The following SDK1 variants were observed in gnomAD, a reference collection of about 807,000 sequenced individuals.
SDK1 encodes sidekick cell adhesion molecule 1.
SDK1 carries 157 observed loss-of-function variants against 245.5 expected under a neutral mutation model. The observed-to-expected ratio is 0.64, with a 90% CI of 0.56 to 0.73. The LOEUF (loss-of-function observed/expected upper bound fraction) is 0.73. SDK1 is among the 30% of genes least tolerant of loss of function. The pLI, the probability that SDK1 is intolerant of heterozygous loss-of-function variation, is 0.00. For synonymous variants in SDK1, 1,647 were observed against 1,278.5 expected, an observed-to-expected ratio of 1.29 and a Z score of -6.15; for missense variants, 3,583 against 3,002.3, an observed-to-expected ratio of 1.19 and a Z score of -4.52.
At chr7:3,478,181 A>C (rs185606299) in intron 1 of SDK1, among the ~76,000 whole-genome samples, 2 of 152,260 alleles carry the variant, frequency 1.3e-5, no homozygotes, top group Admixed American at 1.3e-4. Flanking sequence ...TATTTTCCTG[A>C]AGTTTCATGG....
At chr7:3,937,149 C>G (rs949728225) in intron 5 of SDK1, among the ~76,000 whole-genome samples, 15 of 152,084 alleles carry the variant, frequency 9.9e-5, no homozygotes, top group African/African-American at 3.1e-4. Context: ...CTTCTCAGCT[C>G]TCTTACATTT....
At chr7:3,349,684 C>G (rs1295730976) in intron 1 of SDK1, among the ~76,000 whole-genome samples, 1 of 152,082 alleles carries the variant, frequency 6.6e-6, no homozygotes, top group Non-Finnish European at 1.5e-5. Context: ...ACTGCAAGCT[C>G]CACCTCCCGG....
intron 4 of SDK1, among the ~76,000 whole-genome samples, chr7:3,683,977 G>T (rs933315242): frequency 6.6e-6 from 1 of 152,156 alleles, no homozygotes; most frequent in African/African-American, 2.4e-5. Flanking sequence ...TCATCACCTG[G>T]CCCTCCAGCT....
chr7:3,684,439 G>T (rs1351493873), intron 4 of SDK1, among the ~76,000 whole-genome samples: 2 of 152,200 alleles, frequency 1.3e-5, no homozygotes, highest in Non-Finnish European at 2.9e-5. Context: ...CTTTTGCCAT[G>T]ATAGTGTTGG....
At chr7:4,093,007 T>G (rs779708341) in intron 22 of SDK1, among the ~76,000 whole-genome samples, 2 of 152,200 alleles carry the variant, frequency 1.3e-5, no homozygotes, top group Non-Finnish European at 2.9e-5. Flanking sequence ...CCAAGAAGGT[T>G]TTATTACTTA....
At chr7:3,786,167 C>A (rs1340404273) in intron 4 of SDK1, among the ~76,000 whole-genome samples, 1 of 152,154 alleles carries the variant, frequency 6.6e-6, no homozygotes, top group Non-Finnish European at 1.5e-5. Flanking sequence ...TTTACTCTTT[C>A]CCTTCTTCCT....
chr7:3,467,991 G>C (rs1249365383), intron 1 of SDK1, among the ~76,000 whole-genome samples: 3 of 151,862 alleles, frequency 2.0e-5, no homozygotes, highest in East Asian at 3.9e-4. Flanking sequence ...TTTTAATGAA[G>C]ATTTTAAATC....
intron 25 of SDK1, among the ~76,000 whole-genome samples, chr7:4,116,565 G>A (rs1337536480): frequency 6.6e-6 from 1 of 152,234 alleles, no homozygotes; most frequent in Non-Finnish European, 1.5e-5. Flanking sequence ...TTACTGTAAT[G>A]CACAGTGGGT....
intron 2 of SDK1, among the ~76,000 whole-genome samples, chr7:3,623,487 T>C (rs567437545): frequency 6.6e-6 from 1 of 152,220 alleles, no homozygotes; most frequent in South Asian, 2.1e-4. Flanking sequence ...GTGATCTGCC[T>C]GTCTCAGCCT....
chr7:3,619,701 A>T (rs1030540002), intron 2 of SDK1, among the ~76,000 whole-genome samples: 3 of 152,198 alleles, frequency 2.0e-5, no homozygotes, highest in Admixed American at 2.0e-4. Flanking sequence ...AATCATGGAG[A>T]ATGGGCATGC....
chr7:3,500,187 T>G (rs17133467), intron 1 of SDK1, among the ~76,000 whole-genome samples: 5,102 of 152,238 alleles, frequency 0.034, 299 homozygotes, highest in African/African-American at 0.12. Flanking sequence ...TATCTGTTGT[T>G]TAGCTCTGAT....
intron 1 of SDK1, among the ~76,000 whole-genome samples, chr7:3,338,962 C>T (rs1780274785): frequency 6.6e-6 from 1 of 152,132 alleles, no homozygotes; most frequent in South Asian, 2.1e-4. Flanking sequence ...GCTTGTCATA[C>T]TAATAATTGG....
chr7:4,178,983 G>C (rs183807560), intron 35 of SDK1: 205 of 175,098 alleles, frequency 1.2e-3, no homozygotes, highest in African/African-American at 4.6e-3. Context: ...CAGTGGCCTG[G>C]TGACAGCCCA....
chr7:3,796,326 G>A (rs1778958834), intron 4 of SDK1, among the ~76,000 whole-genome samples: 1 of 152,178 alleles, frequency 6.6e-6, no homozygotes, highest in Admixed American at 6.5e-5. Context: ...GAAATGGAGA[G>A]GTTTCTTTGG....
At chr7:4,038,150 C>G (rs983480649) in intron 17 of SDK1, among the ~76,000 whole-genome samples, 8 of 152,198 alleles carry the variant, frequency 5.3e-5, no homozygotes, top group African/African-American at 1.9e-4. Flanking sequence ...ACAGGAAAGC[C>G]CAGTCCCCTT....
intron 4 of SDK1, among the ~76,000 whole-genome samples, chr7:3,709,403 C>T (rs1303440560): frequency 1.3e-5 from 2 of 152,152 alleles, no homozygotes; most frequent in East Asian, 1.9e-4. Context: ...TAATATTCCC[C>T]ACCCCTCCCT....
At chr7:3,725,504 C>A (rs186578120) in intron 4 of SDK1, among the ~76,000 whole-genome samples, 1 of 152,182 alleles carries the variant, frequency 6.6e-6, no homozygotes, top group Non-Finnish European at 1.5e-5. Flanking sequence ...GTGATGAGAT[C>A]CCCTTAAGAG....
At position 3,841,372 on chromosome 7, in the gene SDK1, G is replaced by A. The variant is rs186727401; in HGVS notation, c.847+19789G>A. Among the ~76,000 whole-genome samples, 14 of 152,238 alleles carry A rather than the reference G, an allele frequency of 9.2e-5. No individual in the cohort carries two copies. In the East Asian group the frequency reaches 1.2e-3, roughly 13 times the overall value. ...TTCTGTGTGAGTCAGTGCAAGCCCC[G>A]TTGCAGAGTTGCAGCTCAGGGCCCA... On this transcript the variant is annotated intron_variant, in intron 5 of 44. Transcript: ENST00000404826.
chr7:3,410,015 C>G (rs560990478), intron 1 of SDK1, among the ~76,000 whole-genome samples: 1 of 151,800 alleles, frequency 6.6e-6, no homozygotes, highest in African/African-American at 2.4e-5. Context: ...ATGTCCTCAC[C>G]TGTAAAAGGG....
Sources: gnomAD v4.1 joint callset for allele counts (sites outside exome capture counted in the v4.1 genomes callset) on GRCh38, gnomAD v4.1.1 for gene constraint, MANE v1.5 for transcripts, NCBI Gene and HGNC (gene_info 2026-07-23, HGNC 2026-07-21) for gene names.